The following SLC9A3 variants were observed in gnomAD, a reference collection of about 807,000 sequenced individuals.
The protein encoded by SLC9A3 is sodium/hydrogen exchanger 3.
In SLC9A3, 37 loss-of-function variants were observed where a neutral mutation model predicts 86.8. The ratio of observed to expected loss-of-function variants is 0.43; its 90% CI spans 0.33 to 0.56. The LOEUF is 0.56. Among genes scored for constraint, SLC9A3 ranks in the 20% least tolerant of loss-of-function variants. SLC9A3 has a pLI of 0.06. For synonymous variants in SLC9A3, 581 were observed against 528.3 expected (o/e 1.10, Z -1.37); for missense variants, 1,011 against 1,171.9 (o/e 0.86, Z 2.00).
chr5:515,737 ACACAC>A (rs1733709688), intron 1 of SLC9A3, among the ~76,000 whole-genome samples: 1 of 141,298 alleles, frequency 7.1e-6, no homozygotes, highest in Admixed American at 7.0e-5. Flanking sequence ...TCACACACCC[ACACAC>A]TCCCCCTGCC....
At chr5:506,896 CAA>C (rs1241081542) in intron 1 of SLC9A3, among the ~76,000 whole-genome samples, 2 of 59,572 alleles carry the variant, frequency 3.4e-5, no homozygotes, top group African/African-American at 1.5e-4. Flanking sequence ...AGAAACAAAA[CAA>C]AAAAAAAATA....
At chr5:485,712 G>A (rs937514251) in intron 3 of SLC9A3, among the ~76,000 whole-genome samples, 7 of 152,268 alleles carry the variant, frequency 4.6e-5, no homozygotes, top group African/African-American at 1.4e-4. Flanking sequence ...ACGCAGGTGA[G>A]ACCGGCCGAG....
intron 2 of SLC9A3, among the ~76,000 whole-genome samples, chr5:490,493 A>G (rs938927354): frequency 5.9e-5 from 9 of 152,210 alleles, no homozygotes; most frequent in Non-Finnish European, 5.9e-5. Context: ...TCTCTGGCCA[A>G]TGCTAGGCGG....
At position 476,291 on chromosome 5, in the gene SLC9A3, G is replaced by A; in HGVS notation, c.1978C>T (p.Arg660Cys). ...TTGGTCGACTTGAAGGACTCCAGGC[G>A]CTTCCGCATGGTCCTGTGGAAGATT... is the stretch of plus-strand genomic sequence containing the variant. Reference protein sequence around the residue: ...REIFHRTMRKRLESFKSTKLG... With the variant: ...REIFHRTMRKCLESFKSTKLG... The change falls in exon 13 of 17, where the codon CGC becomes TGC. Residue 660 changes from arginine (R) to cysteine (C), a missense_variant. Coordinates refer to ENST00000264938, the MANE Select transcript of SLC9A3 (RefSeq NM_004174.4). The A allele has an allele frequency of 2.5e-6, 4 of 1,613,924 alleles. No individual in the cohort carries two copies. The highest frequency in any genetic ancestry group is 3.4e-6 in the Non-Finnish European group (4 of 1,179,986).
At chr5:521,864 G>T (rs927322493) in intron 1 of SLC9A3, among the ~76,000 whole-genome samples, 5 of 152,210 alleles carry the variant, frequency 3.3e-5, no homozygotes, top group Admixed American at 6.5e-5. Flanking sequence ...ACAGGGAAGG[G>T]GTTGGGGGAG....
intron 16 of SLC9A3, 38 bp from the exon 17 acceptor site, chr5:473,420 G>C: frequency 7.3e-7 from 1 of 1,365,132 alleles, no homozygotes; most frequent in Non-Finnish European, 9.5e-7. Flanking sequence ...CGCGGAGCCC[G>C]GGCGCTGGGG....
chr5:491,866 G>A lies in SLC9A3; in HGVS notation c.417C>T (p.Asn139=), dbSNP rs200892921. Residue 139 remains asparagine, a synonymous_variant, in exon 2 of 17, where the codon AAC becomes AAT. Transcript: ENST00000264938. This position sits in a 1 kb window ranked among gnomAD's most constrained non-coding sequence, Gnocchi z 9.2. ...YFMPNRLFFG[N]LGTILLYAVV... ...CGGCGTACAACAGGATGGTCCCCAG[G>A]TTGCCGAAGAAGAGGCGGTTGGGCA... The A allele has an allele frequency of 5.2e-5, 83 of 1,610,280 alleles. No homozygotes were observed. The Admixed American group carries it at 1.4e-3, about 27-fold the overall frequency.
rs934477586 is a variant in SLC9A3 at position 508,011 on chromosome 5, C to A, written c.212-15940G>T. On this transcript the variant is annotated intron_variant, in intron 1 of 16. Transcript: ENST00000264938. ...CACCCCACAGACGCCTGAATCTCCC[C>A]GCTACACCCAAATGCCCACCCACAC... is the stretch of plus-strand genomic sequence containing the variant. 1.3e-5 allele frequency among the ~76,000 whole-genome samples: 2 copies of A among 152,184 alleles called. 1 individual carries two copies. The highest frequency in any genetic ancestry group is 4.8e-5 in the African/African-American group (2 of 41,438).
chr5:471,743 C>T lies in SLC9A3; in HGVS notation c.*1636G>A. 2.2e-6 allele frequency: 1 copy of T among 454,846 alleles called. No individual in the cohort carries two copies. The highest frequency in any genetic ancestry group is 4.4e-6 in the Non-Finnish European group (1 of 225,918). 28.2% of individuals were successfully genotyped at this position (454,846 alleles called of 1,614,324 possible). A position where few individuals can be genotyped will look rare whatever the true frequency, so the allele number is the denominator to read the frequency against. On this transcript the variant is annotated 3_prime_UTR_variant, in exon 17 of 17. Transcript: ENST00000264938. Reference sequence around the variant, plus strand: ...AAAAAGTCACTGCGCTTGATCTGATCCAAGTAACAGTGACTGCAGTTAGGG... The same window carrying T: ...AAAAAGTCACTGCGCTTGATCTGATTCAAGTAACAGTGACTGCAGTTAGGG...
intron 1 of SLC9A3, among the ~76,000 whole-genome samples, chr5:494,812 G>A (rs548782529): frequency 3.3e-4 from 51 of 152,294 alleles, no homozygotes; most frequent in African/African-American, 1.0e-3. Flanking sequence ...TGGTGATGGT[G>A]ACCCCCTGGA....
At chr5:473,535 A>T in intron 16 of SLC9A3, 153 bp from the exon 17 acceptor site, 1 of 546,036 alleles carries the variant, frequency 1.8e-6, no homozygotes, top group Non-Finnish European at 2.7e-6. Context: ...GCCTCCTCCC[A>T]GGACCCGGGT....
rs115093755 is a variant in SLC9A3 at position 492,076 on chromosome 5, G to A, written c.212-5C>T. ...CCTTGTGGGACAGGTGGAACCCTGT[G>A]GGGGAAGGGAGGGAGGTCAGGGCCG... On this transcript the variant is annotated splice_polypyrimidine_tract_variant and splice_region_variant and intron_variant, in intron 1 of 16. Coordinates refer to ENST00000264938, the MANE Select transcript of SLC9A3 (RefSeq NM_004174.4). 2 of 1,487,922 alleles carry A rather than the reference G, an allele frequency of 1.3e-6. No individual in the cohort carries two copies. Among genetic ancestry groups the A allele is most frequent in the Non-Finnish European group, 1.8e-6 (2 of 1,111,552 alleles). 92.2% of individuals were successfully genotyped at this position (1,487,922 alleles called of 1,614,324 possible). A position where few individuals can be genotyped will look rare whatever the true frequency, so the allele number is the denominator to read the frequency against.
chr5:500,578 C>T (rs1467203023), intron 1 of SLC9A3, among the ~76,000 whole-genome samples: 2 of 132,842 alleles, frequency 1.5e-5, no homozygotes, highest in Admixed American at 7.5e-5. Context: ...GACACAGGGC[C>T]GGTGTGGACA....
rs1240639179 is a variant in SLC9A3, at chr5:492,854, G to GC, written c.212-784dup. Among the ~76,000 whole-genome samples the GC allele has an allele frequency of 1.4e-4, 22 of 152,216 alleles. No homozygotes were observed. In the South Asian group the frequency reaches 2.3e-3, roughly 16 times the overall value. On this transcript the variant is annotated intron_variant, in intron 1 of 16. Coordinates refer to ENST00000264938, the MANE Select transcript of SLC9A3 (RefSeq NM_004174.4). The stretch of plus-strand genomic sequence containing the variant: ...CCGGAGGGGCCCCATGGAGGCTGTG[G>GC]CCCCCTCTCCTCGTGCCCCTCTCCT...
intron 15 of SLC9A3, 29 bp from the exon 16 acceptor site, chr5:475,161 C>A: frequency 6.5e-7 from 1 of 1,541,496 alleles, no homozygotes; most frequent in Non-Finnish European, 8.7e-7. Context: ...GCTAGTCAGC[C>A]TTCGGAGAGC....
At chr5:480,180 TGCATGCC>T (rs1409652230) in intron 9 of SLC9A3, 3 of 518,212 alleles carry the variant, frequency 5.8e-6, no homozygotes, top group Non-Finnish European at 1.0e-5. Flanking sequence ...CATATGAAAC[TGCATGCC>T]GCCTCCTCCA....
chr5:476,478 G>A, intron 12 of SLC9A3, 65 bp downstream of exon 12: 1 of 1,603,334 alleles, frequency 6.2e-7, no homozygotes, highest in Non-Finnish European at 8.5e-7. Context: ...GTCCCAGGAG[G>A]GGACGAGGAA....
intron 8 of SLC9A3, 28 bp downstream of exon 8, chr5:482,040 C>A (rs1357729969): frequency 7.9e-6 from 4 of 503,794 alleles, no homozygotes; most frequent in Admixed American, 6.2e-5. Flanking sequence ...CGCAGTGCCC[C>A]CCCCCCGCCC....
intron 1 of SLC9A3, among the ~76,000 whole-genome samples, chr5:506,331 C>T (rs551963027): frequency 1.4e-4 from 21 of 152,272 alleles, no homozygotes; most frequent in African/African-American, 4.8e-4. Context: ...GCGCGGAACC[C>T]GGGCTGCGGA....
Sources: allele counts gnomAD v4.1 joint callset (sites outside exome capture counted in the v4.1 genomes callset), GRCh38; gene constraint gnomAD v4.1.1; non-coding constraint Gnocchi (gnomAD v3.1); transcripts MANE v1.5; gene names NCBI Gene and HGNC (gene_info 2026-07-23, HGNC 2026-07-21).